The following FAM135A variants were observed in gnomAD, a reference collection of about 807,000 sequenced individuals.
FAM135A encodes family with sequence similarity 135 member A.
FAM135A carries 79 observed loss-of-function variants against 146.8 expected under a neutral mutation model. The ratio of observed to expected loss-of-function variants is 0.54; its 90% CI spans 0.45 to 0.65. The LOEUF (loss-of-function observed/expected upper bound fraction) is 0.65, where lower values mean the gene tolerates loss of function less well. Among genes scored for constraint, FAM135A ranks in the 30% least tolerant of loss-of-function variants. The pLI is 0.00. For missense variants in FAM135A, 1,623 were observed against 1,758.2 expected (o/e 0.92, Z 1.38); for synonymous variants, 562 against 603.6 (o/e 0.93, Z 1.01).
At chr6:70,439,787 T>G (rs1214727415) in intron 4 of FAM135A, among the ~76,000 whole-genome samples, 1 of 152,164 alleles carries the variant, frequency 6.6e-6, no homozygotes, top group East Asian at 1.9e-4. Flanking sequence ...AGGACTAACT[T>G]TTGTTTCTTT....
At chr6:70,473,546 T>G (rs1782021820) in intron 5 of FAM135A, among the ~76,000 whole-genome samples, 1 of 152,208 alleles carries the variant, frequency 6.6e-6, no homozygotes, top group South Asian at 2.1e-4. Context: ...CTTTCCCTGA[T>G]AGGTAAGGAA....
At chr6:70,515,852 G>T (rs186862082) in intron 12 of FAM135A, among the ~76,000 whole-genome samples, 3 of 152,078 alleles carry the variant, frequency 2.0e-5, no homozygotes, top group Non-Finnish European at 4.4e-5. Context: ...GTGTAGGGGT[G>T]GGGAAGAGGG....
Position 70,536,291 on chromosome 6 carries a change from A to G in FAM135A, c.3997A>G (p.Ile1333Val), listed in dbSNP as rs374445762. ...FIGHSLGNLI[I>V]RSVLTRPRFK... ...TGGACATTCGTTGGGCAATTTAATA[A>G]TTCGTTCAGTGCTTACAAGGCCAAG... is the stretch of plus-strand genomic sequence containing the variant. Residue 1333 changes from isoleucine to valine, a missense_variant, in exon 19 of 22, where the codon ATT (isoleucine) becomes GTT (valine). Ile to Val is a conservative substitution (Grantham distance 29). Transcript: ENST00000418814. 1.4e-5 allele frequency: 22 copies of G among 1,609,986 alleles called. 1 individual carries two copies. Among genetic ancestry groups the G allele is most frequent in the Middle Eastern group, 3.3e-4 (2 of 6,050 alleles).
At chr6:70,532,402 T>A (rs906067602) in intron 16 of FAM135A, among the ~76,000 whole-genome samples, 1 of 152,146 alleles carries the variant, frequency 6.6e-6, no homozygotes, top group Non-Finnish European at 1.5e-5. Context: ...AAAATAAACT[T>A]TCTTAGATAT....
intron 10 of FAM135A, among the ~76,000 whole-genome samples, chr6:70,483,202 G>A (rs1456086355): frequency 6.6e-6 from 1 of 152,236 alleles, no homozygotes; most frequent in South Asian, 2.1e-4. Flanking sequence ...GCCACTATCA[G>A]CAACTACTCA....
intron 4 of FAM135A, among the ~76,000 whole-genome samples, chr6:70,446,261 T>C (rs1173915587): frequency 6.6e-6 from 1 of 152,230 alleles, no homozygotes; most frequent in Non-Finnish European, 1.5e-5. Context: ...TCCTTATGTT[T>C]AGCTTCTACA....
Position 70,542,658 on chromosome 6 carries a change from CATAT to C in FAM135A, c.4228+4261_4228+4264del, listed in dbSNP as rs557815942. Among the ~76,000 whole-genome samples, 9 of 152,308 alleles carry C rather than the reference CATAT, an allele frequency of 5.9e-5. No homozygotes were observed. In the South Asian group the frequency reaches 1.9e-3, roughly 32 times the overall value. Reference sequence around the variant, plus strand: ...AGCAATTCTCCCATCTCAGCTGTCCCATATATACTTTTATGTCCCCAATCTTATG... The same window carrying C: ...AGCAATTCTCCCATCTCAGCTGTCCCATACTTTTATGTCCCCAATCTTATG... On this transcript the variant is annotated intron_variant, in intron 20 of 21. Coordinates refer to ENST00000418814, the MANE Select transcript of FAM135A (RefSeq NM_001162529.3).
At chr6:70,487,622 A>G (rs910426922) in intron 10 of FAM135A, among the ~76,000 whole-genome samples, 1 of 152,270 alleles carries the variant, frequency 6.6e-6, no homozygotes, top group East Asian at 1.9e-4. Flanking sequence ...GAAAAAGAAG[A>G]GTTGAAAATT....
In FAM135A at chr6:70,513,778, G is replaced by A. The variant is rs148266697; in HGVS notation, c.1030-8735G>A. On this transcript the variant is annotated intron_variant, in intron 12 of 21. Transcript: ENST00000418814. ...CAATCAGCTCAAGTTGGTCAATAGC[G>A]TTATTTAACCTTGGACTGACAGTTT... Among the ~76,000 whole-genome samples, 29 of 152,074 alleles carry A rather than the reference G, an allele frequency of 1.9e-4. No individual in the cohort carries two copies. The East Asian group carries it at 2.1e-3, about 11-fold the overall frequency.
At chr6:70,417,107 A>G (rs1193353515) in intron 2 of FAM135A, among the ~76,000 whole-genome samples, 1 of 152,258 alleles carries the variant, frequency 6.6e-6, no homozygotes, top group Admixed American at 6.5e-5. Flanking sequence ...TATTTTGATG[A>G]AAAAAATTTG....
chr6:70,416,083 T>C (rs544500498), intron 2 of FAM135A, among the ~76,000 whole-genome samples: 6 of 152,222 alleles, frequency 3.9e-5, no homozygotes. Context: ...GCTGGTGAAC[T>C]GTGGACTAGC....
At chr6:70,506,042 T>C (rs565248404) in intron 12 of FAM135A, among the ~76,000 whole-genome samples, 2 of 152,298 alleles carry the variant, frequency 1.3e-5, no homozygotes, top group East Asian at 3.9e-4. Flanking sequence ...AATAGCATAA[T>C]GAATGGAATA....
intron 12 of FAM135A, among the ~76,000 whole-genome samples, chr6:70,521,925 G>GT (rs1793674798): frequency 3.3e-5 from 5 of 151,848 alleles, no homozygotes; most frequent in Admixed American, 2.0e-4. Context: ...TTTTTGTTTT[G>GT]TTTTTTTGAG....
At chr6:70,491,375 A>G (rs1004969916) in intron 11 of FAM135A, among the ~76,000 whole-genome samples, 8 of 151,952 alleles carry the variant, frequency 5.3e-5, no homozygotes, top group Non-Finnish European at 1.2e-4. Flanking sequence ...TTCTGGACAC[A>G]TTTTTAAAAC....
intron 2 of FAM135A, among the ~76,000 whole-genome samples, chr6:70,423,369 T>C (rs1041347942): frequency 6.6e-6 from 1 of 152,052 alleles, no homozygotes; most frequent in Non-Finnish European, 1.5e-5. Context: ...TTAGTTAGGG[T>C]ATAGAGTAGG....
chr6:70,556,379 A>G (rs1800828394), intron 20 of FAM135A, among the ~76,000 whole-genome samples: 1 of 152,200 alleles, frequency 6.6e-6, no homozygotes, highest in African/African-American at 2.4e-5. Context: ...GGAAGAGTAT[A>G]ATTTTGTTTC....
chr6:70,434,031 G>T (rs1562409227), intron 4 of FAM135A, among the ~76,000 whole-genome samples: 1 of 152,092 alleles, frequency 6.6e-6, no homozygotes, highest in Non-Finnish European at 1.5e-5. Context: ...GTAAAGCACT[G>T]ATCATAAATA....
At chr6:70,426,128 C>A (rs930268917) in intron 2 of FAM135A, among the ~76,000 whole-genome samples, 46 of 146,270 alleles carry the variant, frequency 3.1e-4, no homozygotes, top group East Asian at 6.0e-4. Flanking sequence ...AAAACAACAA[C>A]AAAAAAAAAA....
At chr6:70,423,854 C>T (rs985457868) in intron 2 of FAM135A, among the ~76,000 whole-genome samples, 1 of 152,182 alleles carries the variant, frequency 6.6e-6, no homozygotes, top group African/African-American at 2.4e-5. Flanking sequence ...TTAATCCAAG[C>T]TCACTGAGAG....
Sources: gnomAD v4.1 joint callset for allele counts (sites outside exome capture counted in the v4.1 genomes callset) on GRCh38, gnomAD v4.1.1 for gene constraint, MANE v1.5 for transcripts, NCBI Gene and HGNC (gene_info 2026-07-23, HGNC 2026-07-21) for gene names.